The following RBPJ variants were observed in gnomAD, a reference collection of about 807,000 sequenced individuals.
The protein encoded by RBPJ is recombination signal binding protein for immunoglobulin kappa J region, also known as recombining binding protein suppressor of hairless.
RBPJ carries 9 observed loss-of-function variants against 67.8 expected under a neutral mutation model. The ratio of observed to expected loss-of-function variants is 0.13; its 90% CI spans 0.08 to 0.23. RBPJ has a LOEUF of 0.23. Ranked by LOEUF, RBPJ falls within the 10% of genes least tolerant of loss-of-function variation. The probability of loss-of-function intolerance (pLI) is 1.00; values close to 1 mark genes in which losing one functional copy is unlikely to be tolerated. For synonymous variants in RBPJ, 198 were observed against 203.3 expected, an observed-to-expected ratio of 0.97 and a Z score of 0.22; for missense variants, 305 against 595.6, an observed-to-expected ratio of 0.51 and a Z score of 5.08.
At chr4:26,377,377 C>T (rs1347529902) in intron 1 of RBPJ, among the ~76,000 whole-genome samples, 2 of 152,172 alleles carry the variant, frequency 1.3e-5, no homozygotes, top group African/African-American at 4.8e-5. Context: ...TTTGTGTGTG[C>T]TCTCATCAAG....
chr4:26,406,548 G>A (rs1217041802), intron 3 of RBPJ, among the ~76,000 whole-genome samples: 1 of 152,210 alleles, frequency 6.6e-6, no homozygotes, highest in Admixed American at 6.5e-5. Context: ...GCCCCTCGCA[G>A]ATGGAACAAT....
intron 1 of RBPJ, among the ~76,000 whole-genome samples, chr4:26,328,144 A>G (rs1240406261): frequency 6.6e-6 from 1 of 150,384 alleles, no homozygotes; most frequent in Non-Finnish European, 1.5e-5. Context: ...AACATTTTTC[A>G]TGCAAAAAAT....
At chr4:26,195,576 C>G (rs553281674) in intron 1 of RBPJ, among the ~76,000 whole-genome samples, 2 of 152,190 alleles carry the variant, frequency 1.3e-5, no homozygotes, top group Admixed American at 6.5e-5. Flanking sequence ...AAACTGATCT[C>G]TGAGTATGTT....
chr4:26,115,382 A>T, the RBPJ span, among the ~76,000 whole-genome samples: 1 of 152,002 alleles, frequency 6.6e-6, no homozygotes, highest in Non-Finnish European at 1.5e-5. Context: ...CAGGTTGGCC[A>T]GTATAAGTTT....
upstream of RBPJ, among the ~76,000 whole-genome samples, chr4:26,315,144 CAAAAAAAAAA>C (rs60940172): frequency 9.7e-5 from 1 of 10,356 alleles, no homozygotes; most frequent in Non-Finnish European, 1.7e-4. Flanking sequence ...GTCTCTGTCT[CAAAAAAAAAA>C]AAAAAAAAAA....
the RBPJ span, among the ~76,000 whole-genome samples, chr4:26,137,714 G>C: frequency 1.3e-5 from 2 of 152,224 alleles, no homozygotes; most frequent in Non-Finnish European, 2.9e-5. Context: ...TCATTTCACT[G>C]TCAGGCACAG....
intron 1 of RBPJ, chr4:26,343,021 T>C (rs1372596173): frequency 1.3e-5 from 2 of 152,208 alleles, no homozygotes; most frequent in Middle Eastern, 3.2e-3. Flanking sequence ...AATTTTGTTG[T>C]TATTCTAAGA....
At chr4:26,412,181 A>G (rs1734097679) in intron 3 of RBPJ, among the ~76,000 whole-genome samples, 1 of 151,718 alleles carries the variant, frequency 6.6e-6, no homozygotes, top group Non-Finnish European at 1.5e-5. Flanking sequence ...TTTGGCATAT[A>G]GGTTGCGCAT....
chr4:26,275,883 C>T (rs771160094), intron 1 of RBPJ, among the ~76,000 whole-genome samples: 21 of 151,964 alleles, frequency 1.4e-4, no homozygotes, highest in Non-Finnish European at 7.4e-5. Flanking sequence ...ACCTCGGCCT[C>T]CCAAAGTGCT....
chr4:26,240,940 T>C (rs1039146323), intron 1 of RBPJ, among the ~76,000 whole-genome samples: 3 of 152,144 alleles, frequency 2.0e-5, no homozygotes, highest in African/African-American at 7.2e-5. Context: ...ATCAAGGCTT[T>C]ACTAATCCAT....
Position 26,430,385 on chromosome 4 carries a change from T to C in RBPJ, c.1045-34T>C. The stretch of plus-strand genomic sequence containing the variant: ...GTGTACTTTAATGAAAAATGAAAAG[T>C]TTTCTCAGTGTTGTGATTTTCTGTG... On this transcript the variant is annotated intron_variant, in intron 9 of 10. Coordinates refer to ENST00000355476, the MANE Select transcript of RBPJ (RefSeq NM_015874.6). The surrounding 1 kb of genome is among the most constrained non-coding windows in gnomAD (Gnocchi z 4.1). 1 of 1,532,690 alleles carries C rather than the reference T, an allele frequency of 6.5e-7. No homozygotes were observed. The highest frequency in any genetic ancestry group is 9.0e-7 in the Non-Finnish European group (1 of 1,108,498). The allele number at this position is 1,532,690 out of a possible 1,614,324, so 94.9% of individuals were successfully genotyped here.
intron 3 of RBPJ, chr4:26,409,947 A>G (rs1733855141): frequency 1.8e-5 from 7 of 391,686 alleles, no homozygotes; most frequent in Non-Finnish European, 5.0e-6. Context: ...CTATATTTTT[A>G]CTGATTTGTA....
chr4:26,217,852 G>A (rs531290689), intron 1 of RBPJ, among the ~76,000 whole-genome samples: 3 of 152,264 alleles, frequency 2.0e-5, no homozygotes, highest in South Asian at 2.1e-4. Flanking sequence ...CAGTCCCTGC[G>A]AAACAGGTCT....
chr4:26,243,527 T>C (rs912353278), intron 1 of RBPJ, among the ~76,000 whole-genome samples: 1 of 152,200 alleles, frequency 6.6e-6, no homozygotes, highest in Admixed American at 6.5e-5. Context: ...TTGTATGGAA[T>C]TGAAATAGAT....
At chr4:26,375,309 A>AG (rs1491460506) in intron 1 of RBPJ, among the ~76,000 whole-genome samples, 18 of 150,266 alleles carry the variant, frequency 1.2e-4, no homozygotes, top group African/African-American at 3.4e-4. Flanking sequence ...AAAAAAAAAA[A>AG]GAATAATGTG....
intron 3 of RBPJ, among the ~76,000 whole-genome samples, chr4:26,410,597 A>T (rs1733919778): frequency 6.6e-6 from 1 of 152,218 alleles, no homozygotes; most frequent in Non-Finnish European, 1.5e-5. Context: ...GATTTGTGTT[A>T]ATTGGCCAAT....
intron 2 of RBPJ, among the ~76,000 whole-genome samples, chr4:26,399,623 T>C (rs772139531): frequency 3.9e-5 from 6 of 152,200 alleles, no homozygotes; most frequent in Non-Finnish European, 8.8e-5. Context: ...TGAACCAGAA[T>C]GGCATTTGCC....
chr4:26,333,224 T>C (rs1325288611), intron 1 of RBPJ, among the ~76,000 whole-genome samples: 1 of 152,196 alleles, frequency 6.6e-6, no homozygotes, highest in Non-Finnish European at 1.5e-5. Flanking sequence ...CCCCTGCGGA[T>C]ACCAAGGAAC....
chr4:26,405,313 T>G (rs1733281404), intron 2 of RBPJ, among the ~76,000 whole-genome samples: 1 of 152,212 alleles, frequency 6.6e-6, no homozygotes, highest in East Asian at 1.9e-4. Context: ...TTTGTCTTTA[T>G]AGTATCAGGA....
Sources: allele counts gnomAD v4.1 joint callset (sites outside exome capture counted in the v4.1 genomes callset), GRCh38; gene constraint gnomAD v4.1.1; non-coding constraint Gnocchi (gnomAD v3.1); transcripts MANE v1.5; gene names NCBI Gene and HGNC (gene_info 2026-07-23, HGNC 2026-07-21).